Variants in DDI2 observed in about 807,000 individuals in gnomAD.
DDI2 encodes the protein DDI proteasomal shuttling factor 2.
A neutral mutation model predicts 48.1 loss-of-function variants in DDI2; 5 were observed. The observed-to-expected ratio is 0.10, with a 90% CI of 0.05 to 0.22. The LOEUF (loss-of-function observed/expected upper bound fraction) is 0.22. Among genes scored for constraint, DDI2 ranks in the 10% least tolerant of loss-of-function variants. DDI2 has a pLI of 1.00. For synonymous variants in DDI2, 205 were observed against 183.6 expected (o/e 1.12, Z -0.94); for missense variants, 285 against 506.2 (o/e 0.56, Z 4.19).
chr1:15,633,618 A>ACTGCAG (rs760446474), intron 4 of DDI2, 53 bp downstream of exon 4: 2 of 1,595,596 alleles, frequency 1.3e-6, no homozygotes, highest in Non-Finnish European at 1.7e-6. Context: ...GATTTCCCAG[A>ACTGCAG]CTGCAGGTTA....
chr1:15,618,251 C>CTT (rs375538671), intron 1 of DDI2, among the ~76,000 whole-genome samples: 1,669 of 129,204 alleles, frequency 0.013, 21 homozygotes, highest in Non-Finnish European at 0.02. Context: ...TGTTCCTCTG[C>CTT]TTTTTTTTTT....
chr1:15,639,288 T>A (rs1639971068), intron 5 of DDI2, among the ~76,000 whole-genome samples: 1 of 152,118 alleles, frequency 6.6e-6, no homozygotes, highest in South Asian at 2.1e-4. Context: ...AGTGGTCTCA[T>A]ACATCTTAAT....
intron 3 of DDI2, among the ~76,000 whole-genome samples, chr1:15,631,279 TTATTTTTTG>T (rs1485173575): frequency 6.6e-6 from 1 of 152,174 alleles, no homozygotes; most frequent in Non-Finnish European, 1.5e-5. Context: ...CCACTCCAAG[TTATTTTTTG>T]TATTTTTTGT....
chr1:15,623,888 G>A (rs969102240), intron 1 of DDI2, among the ~76,000 whole-genome samples: 7 of 151,776 alleles, frequency 4.6e-5, no homozygotes, highest in East Asian at 1.9e-4. Context: ...GTGAAACCCC[G>A]TCTCTACAAA....
At chr1:15,635,064 CA>C (rs1305533128) in intron 4 of DDI2, among the ~76,000 whole-genome samples, 1 of 151,780 alleles carries the variant, frequency 6.6e-6, no homozygotes, top group East Asian at 1.9e-4. Context: ...TCTGTCTTTA[CA>C]AAAAATAAAA....
At chr1:15,658,563 G>A (rs993531287) in intron 9 of DDI2, among the ~76,000 whole-genome samples, 1 of 150,828 alleles carries the variant, frequency 6.6e-6, no homozygotes, top group Non-Finnish European at 1.5e-5. Context: ...AAGAGTTTGA[G>A]ACCACCCTGA....
At position 15,656,688 on chromosome 1, in the gene DDI2, A is replaced by G; in HGVS notation, c.*46+9A>G. On this transcript the variant is annotated intron_variant, in intron 9 of 9. Transcript: ENST00000480945. The stretch of plus-strand genomic sequence containing the variant: ...AGTGGGCCCCAGACCAGGTATTTAT[A>G]GACACCATGTTAAGCCTTCCATCCA... The G allele has an allele frequency of 9.3e-6, 15 of 1,614,068 alleles. No homozygotes were observed. Among genetic ancestry groups the G allele is most frequent in the South Asian group, 2.2e-5 (2 of 91,066 alleles).
intron 1 of DDI2, among the ~76,000 whole-genome samples, chr1:15,623,190 C>T (rs1639696833): frequency 1.3e-5 from 2 of 152,004 alleles, no homozygotes; most frequent in African/African-American, 2.4e-5. Context: ...CATGGGGATG[C>T]GTTGAGCAGT....
intron 6 of DDI2, among the ~76,000 whole-genome samples, chr1:15,644,335 C>CA (rs1459043023): frequency 6.6e-6 from 1 of 152,164 alleles, no homozygotes; most frequent in Non-Finnish European, 1.5e-5. Context: ...ATCTGCCCCT[C>CA]AGTTTATTGG....
rs1028059201 is a variant in DDI2 at position 15,663,053 on chromosome 1, A to G, written c.*3263A>G. ...TAATCCTACTGGATAGGTTTTAGAT[A>G]ATTCTTTCCTGGCAAACTGCTCTTT... On this transcript the variant is annotated 3_prime_UTR_variant, in exon 10 of 10. Transcript: ENST00000480945. 2 of 152,200 alleles carry G rather than the reference A, an allele frequency of 1.3e-5. No individual in the cohort carries two copies. The highest frequency in any genetic ancestry group is 4.8e-5 in the African/African-American group (2 of 41,450). 9.4% of individuals were successfully genotyped at this position (152,200 alleles called of 1,614,324 possible).
intron 2 of DDI2, among the ~76,000 whole-genome samples, chr1:15,629,500 G>A (rs866967651): frequency 1.7e-4 from 26 of 151,672 alleles, no homozygotes; most frequent in Middle Eastern, 6.8e-3. Context: ...GGGAGGCTGA[G>A]GCAGGAGAAT....
Position 15,623,556 on chromosome 1 carries a change from G to GCTTCTTCTTCTTCTTCTTCTT in DDI2, c.139-3110_139-3109insCTTCTTCTTCTTCTTCTTCTT, listed in dbSNP as rs140856838. Reference sequence around the variant, plus strand: ...CTACAGGCATATGCTACCATGCCTGGCTTATTATTATTATTATTATTATTA... The same window carrying GCTTCTTCTTCTTCTTCTTCTT: ...CTACAGGCATATGCTACCATGCCTGGCTTCTTCTTCTTCTTCTTCTTCTTATTATTATTATTATTATTATTA... On this transcript the variant is annotated intron_variant, in intron 1 of 9. Coordinates refer to ENST00000480945, the MANE Select transcript of DDI2 (RefSeq NM_032341.5). Among the ~76,000 whole-genome samples the GCTTCTTCTTCTTCTTCTTCTT allele has an allele frequency of 2.6e-3, 368 of 141,600 alleles. 4 individuals carry two copies. The East Asian group carries it at 0.027, about 10-fold the overall frequency. 92.9% of individuals were successfully genotyped at this position (141,600 alleles called of 152,430 possible).
In DDI2 at chr1:15,634,778, C is replaced by T. The variant is rs149778113; in HGVS notation, c.632+1213C>T. On this transcript the variant is annotated intron_variant, in intron 4 of 9. Transcript: ENST00000480945. ...AACTCCTGAGCTCACGCAATCCACG[C>T]GCCTCAGCCTCCCAAAGTGCTAGGA... is the stretch of plus-strand genomic sequence containing the variant. Among the ~76,000 whole-genome samples, 322 of 152,080 alleles carry T rather than the reference C, an allele frequency of 2.1e-3. 3 individuals are homozygous for T. Among genetic ancestry groups the T allele is most frequent in the African/African-American group, 7.5e-3 (313 of 41,476 alleles).
chr1:15,640,861 G>A (rs564621948), intron 5 of DDI2, among the ~76,000 whole-genome samples: 6 of 152,262 alleles, frequency 3.9e-5, no homozygotes, highest in Admixed American at 2.0e-4. Context: ...AGTGAGAGGC[G>A]AGGTCATTGC....
chr1:15,632,031 C>T (rs927261946), intron 3 of DDI2, among the ~76,000 whole-genome samples: 13 of 151,744 alleles, frequency 8.6e-5, no homozygotes, highest in Admixed American at 3.3e-4. Context: ...GTCTCAAACT[C>T]CTGACCTCGT....
chr1:15,636,754 C>T (rs61782443), intron 4 of DDI2, among the ~76,000 whole-genome samples: 1 of 152,218 alleles, frequency 6.6e-6, no homozygotes, highest in African/African-American at 2.4e-5. Context: ...GCTGCTGTGC[C>T]AGGCCTTAGT....
intron 5 of DDI2, 59 bp from the exon 6 acceptor site, chr1:15,643,463 T>C: frequency 6.3e-7 from 1 of 1,595,172 alleles, no homozygotes; most frequent in Non-Finnish European, 8.5e-7. Context: ...TGCTATATTT[T>C]GAGTCTTCTC....
At chr1:15,617,982 C>T (rs1037387557) in intron 1 of DDI2, among the ~76,000 whole-genome samples, 174 bp downstream of exon 1, 8 of 152,198 alleles carry the variant, frequency 5.3e-5, no homozygotes, top group Non-Finnish European at 1.5e-5. Flanking sequence ...CAGTAGCTGC[C>T]CTCACACACT....
At chr1:15,639,872 G>A (rs1051159802) in intron 5 of DDI2, among the ~76,000 whole-genome samples, 2 of 152,082 alleles carry the variant, frequency 1.3e-5, no homozygotes, top group Non-Finnish European at 2.9e-5. Context: ...GCCGGGTGTG[G>A]TGGTGCGTAC....
Sources: allele counts gnomAD v4.1 joint callset (sites outside exome capture counted in the v4.1 genomes callset), GRCh38; gene constraint gnomAD v4.1.1; transcripts MANE v1.5; gene names NCBI Gene and HGNC (gene_info 2026-07-23, HGNC 2026-07-21).